MPDZ: variants seen among roughly 807,000 people sequenced by gnomAD.
The protein encoded by MPDZ is multiple PDZ domain protein.
Under a neutral mutation model 239.1 loss-of-function variants are expected in MPDZ, and 234 were observed. The observed-to-expected ratio is 0.98, with a 90% confidence interval of 0.88 to 1.09. MPDZ has a LOEUF of 1.09. Ranked by LOEUF, MPDZ falls within the 50% of genes least tolerant of loss-of-function variation. MPDZ has a pLI of 0.00. For missense variants in MPDZ, 3,175 were observed against 2,510.0 expected, an observed-to-expected ratio of 1.26 and a Z score of -5.66; for synonymous variants, 1,048 against 881.3, an observed-to-expected ratio of 1.19 and a Z score of -3.35.
At chr9:13,273,358 G>A (rs947637350) in intron 1 of MPDZ, among the ~76,000 whole-genome samples, 12 of 152,054 alleles carry the variant, frequency 7.9e-5, no homozygotes, top group Non-Finnish European at 1.5e-4. Context: ...GTTTTGTTAC[G>A]TTAGTGATAT....
Position 13,188,858 on chromosome 9 carries a change from G to C in MPDZ, c.2290C>G (p.Leu764Val), listed in dbSNP as rs376411786. 1.9e-6 allele frequency: 3 copies of C among 1,613,424 alleles called. No homozygotes were observed. Among genetic ancestry groups the C allele is most frequent in the African/African-American group, 1.3e-5 (1 of 74,886 alleles). The change falls in exon 17 of 47, where the codon CTT becomes GTT. Residue 764 changes from leucine to valine, a missense_variant. Leu to Val is a conservative substitution (Grantham distance 32). Transcript: ENST00000319217. ...TTCAGTGCTTCTACAGCTTCCTCAA[G>C]ACTGCTGTTTTCCAAGTTAACATCG... Reference protein sequence around the residue: ...VNDVNLENSSLEEAVEALKGA... With the variant: ...VNDVNLENSSVEEAVEALKGA...
At chr9:13,227,641 G>A (rs1281795982) in intron 3 of MPDZ, among the ~76,000 whole-genome samples, 2 of 152,138 alleles carry the variant, frequency 1.3e-5, no homozygotes, top group Non-Finnish European at 2.9e-5. Flanking sequence ...TATTATGAAA[G>A]AGTAGGTATA....
At chr9:13,158,293 C>A (rs1025183544) in intron 23 of MPDZ, among the ~76,000 whole-genome samples, 183 bp from the exon 24 acceptor site, 2 of 152,074 alleles carry the variant, frequency 1.3e-5, no homozygotes, top group Non-Finnish European at 2.9e-5. Context: ...AAAATTAAAA[C>A]CTTGCTTTAG....
chr9:13,215,753 G>GTTTTTTCTTTTTT (rs1958223607), intron 10 of MPDZ, among the ~76,000 whole-genome samples: 1 of 89,048 alleles, frequency 1.1e-5, no homozygotes, highest in Non-Finnish European at 2.0e-5. Flanking sequence ...TCTATTGCAG[G>GTTTTTTCTTTTTT]TTTTTTTTTT....
Position 13,233,159 on chromosome 9 carries a change from AAT to A in MPDZ, c.184-8578_184-8577del, listed in dbSNP as rs553704351. On this transcript the variant is annotated intron_variant, in intron 3 of 46. Coordinates refer to ENST00000319217, the MANE Select transcript of MPDZ (RefSeq NM_001378778.1). ...AGTTTGGCAGAATCCACGAAAGCTGAATATATACCTTAGGACCCAGAAATATC... is the reference window on the plus strand; with the variant it reads ...AGTTTGGCAGAATCCACGAAAGCTGAATATACCTTAGGACCCAGAAATATC... Among the ~76,000 whole-genome samples the A allele has an allele frequency of 1.5e-3, 224 of 152,282 alleles. 1 individual carries two copies. The highest frequency in any genetic ancestry group is 5.1e-3 in the African/African-American group (213 of 41,572).
chr9:13,261,197 C>T (rs1209143581), intron 1 of MPDZ, among the ~76,000 whole-genome samples: 1 of 152,104 alleles, frequency 6.6e-6, no homozygotes. Context: ...AGTTATGAGA[C>T]AGCAAAAACA....
rs1564192276 is a variant in MPDZ at position 13,279,263 on chromosome 9, A to ACCCCCACCCCCG, written c.-58+136_-58+137insCGGGGGTGGGGG. The ACCCCCACCCCCG allele has an allele frequency of 1.4e-3, 48 of 34,450 alleles. 1 individual carries two copies. The East Asian group carries it at 0.019, about 14-fold the overall frequency. The allele number at this position is 34,450 out of a possible 1,614,324, so 2.1% of individuals were successfully genotyped here. A position where few individuals can be genotyped will look rare whatever the true frequency, so the allele number is the denominator to read the frequency against. ...CGCCGCCACCCCTACCCCCACCCCC[A>ACCCCCACCCCCG]CCCCCACCCCCATCCCCGCCCCCAC... On this transcript the variant is annotated intron_variant, in intron 1 of 46. Transcript: ENST00000319217.
At chr9:13,180,073 T>G (rs1365786208) in intron 19 of MPDZ, among the ~76,000 whole-genome samples, 1 of 152,130 alleles carries the variant, frequency 6.6e-6, no homozygotes, top group Non-Finnish European at 1.5e-5. Flanking sequence ...GAGCCTGCAA[T>G]TTTGTCACTA....
rs368833447 is a variant in MPDZ, at chr9:13,217,257, G to A, written c.1124C>T (p.Thr375Ile). ...ATTTTTAGTGAGTTCTACATCAAATGTCTCACTTTCTTCACCTTTCTGAGT... is the reference window on the plus strand; with the variant it reads ...ATTTTTAGTGAGTTCTACATCAAATATCTCACTTTCTTCACCTTTCTGAGT... ...ASTQKGEESE[T>I]FDVELTKNVQ... Residue 375 changes from threonine to isoleucine, a missense_variant, in exon 9 of 47, where the codon ACA becomes ATA. Physicochemically the swap from Thr to Ile is moderately conservative, Grantham distance 89. Transcript: ENST00000319217. 1.2e-6 allele frequency: 2 copies of A among 1,602,492 alleles called. No individual in the cohort carries two copies. Among genetic ancestry groups the A allele is most frequent in the Non-Finnish European group, 1.7e-6 (2 of 1,173,742 alleles).
At chr9:13,122,578 T>C (rs976032708) in intron 36 of MPDZ, among the ~76,000 whole-genome samples, 3 of 150,750 alleles carry the variant, frequency 2.0e-5, no homozygotes, top group Non-Finnish European at 4.4e-5. Context: ...TGGAGTGCAG[T>C]GGTGCGATCT....
chr9:13,234,096 T>C (rs1213605917), intron 3 of MPDZ, among the ~76,000 whole-genome samples: 1 of 152,184 alleles, frequency 6.6e-6, no homozygotes, highest in Non-Finnish European at 1.5e-5. Context: ...TTGGAAATAA[T>C]AATTATGCCA....
intron 24 of MPDZ, among the ~76,000 whole-genome samples, chr9:13,152,908 G>A (rs1297091244): frequency 2.0e-5 from 3 of 152,136 alleles, no homozygotes. Flanking sequence ...AGAGTAAGGT[G>A]ATTTGCAGTG....
At chr9:13,160,486 G>A (rs746526473) in intron 23 of MPDZ, among the ~76,000 whole-genome samples, 6 of 151,932 alleles carry the variant, frequency 3.9e-5, no homozygotes, top group Non-Finnish European at 2.9e-5. Context: ...GTATTTTAAG[G>A]CCCTAGAACT....
chr9:13,195,712 GAA>G (rs552109286), intron 13 of MPDZ, among the ~76,000 whole-genome samples: 6 of 152,230 alleles, frequency 3.9e-5, no homozygotes, highest in African/African-American at 1.4e-4. Flanking sequence ...GAGTGGAAAA[GAA>G]AGAGTAGAAA....
chr9:13,225,405 T>C (rs940496715), intron 3 of MPDZ, among the ~76,000 whole-genome samples: 1 of 151,832 alleles, frequency 6.6e-6, no homozygotes, highest in Non-Finnish European at 1.5e-5. Context: ...AACTCAACCA[T>C]TATATTGGCT....
At chr9:13,208,913 T>C (rs1216586586) in intron 10 of MPDZ, among the ~76,000 whole-genome samples, 2 of 152,094 alleles carry the variant, frequency 1.3e-5, no homozygotes, top group African/African-American at 4.8e-5. Flanking sequence ...GCTGATTCCC[T>C]GTTAGAAAAA....
At chr9:13,181,031 G>C (rs558832033) in intron 19 of MPDZ, among the ~76,000 whole-genome samples, 1 of 152,250 alleles carries the variant, frequency 6.6e-6, no homozygotes, top group Non-Finnish European at 1.5e-5. Context: ...ACTTCTGGTA[G>C]TATACCTGAC....
At position 13,119,589 on chromosome 9, in the gene MPDZ, TC is replaced by T. The variant is rs1262261381; in HGVS notation, c.5291del (p.Gly1764GlufsTer3). 1 of 1,613,892 alleles carries T rather than the reference TC, an allele frequency of 6.2e-7. No homozygotes were observed. Among genetic ancestry groups the T allele is most frequent in the Non-Finnish European group, 8.5e-7 (1 of 1,179,866 alleles). On this transcript the variant is annotated frameshift_variant, in exon 39 of 47. Coordinates refer to ENST00000319217, the MANE Select transcript of MPDZ (RefSeq NM_001378778.1). LOFTEE classifies it high-confidence loss of function. ...ATATCTGGTCTCCCTGCATCAGTCT[TC>T]CATCGGCATCTGCAATTCCTCCTTT... ...IVKGGIADAD[G>X]RLMQGDQILM...
At chr9:13,166,643 G>C (rs1365872635) in intron 22 of MPDZ, among the ~76,000 whole-genome samples, 2 of 151,974 alleles carry the variant, frequency 1.3e-5, no homozygotes, top group African/African-American at 4.8e-5. Context: ...AATAATTTAA[G>C]ATTCTATAGT....
Sources: gnomAD v4.1 joint callset for allele counts (sites outside exome capture counted in the v4.1 genomes callset) on GRCh38, gnomAD v4.1.1 for gene constraint, MANE v1.5 for transcripts, NCBI Gene and HGNC (gene_info 2026-07-23, HGNC 2026-07-21) for gene names.